The following RTN1 variants were observed in gnomAD, a reference collection of about 807,000 sequenced individuals.
RTN1 encodes the protein reticulon-1.
A neutral mutation model predicts 65.5 loss-of-function variants in RTN1; 25 were observed. The ratio of observed to expected loss-of-function variants is 0.38; its 90% CI spans 0.28 to 0.53. The LOEUF is 0.53. RTN1 is among the 20% of genes least tolerant of loss of function. RTN1 has a pLI of 0.79. For missense variants in RTN1, 983 were observed against 1,025.4 expected, an observed-to-expected ratio of 0.96 and a Z score of 0.57; for synonymous variants, 471 against 447.6, an observed-to-expected ratio of 1.05 and a Z score of -0.66.
chr14:59,739,633 G>T (rs1885076758), intron 2 of RTN1, among the ~76,000 whole-genome samples: 2 of 152,128 alleles, frequency 1.3e-5, no homozygotes, highest in Admixed American at 6.5e-5. Flanking sequence ...ACTGGAGGTA[G>T]GGTGTGAGTT....
At chr14:59,807,693 T>C (rs1283148893) in intron 1 of RTN1, among the ~76,000 whole-genome samples, 2 of 152,114 alleles carry the variant, frequency 1.3e-5, no homozygotes, top group African/African-American at 4.8e-5. Context: ...GGGATGGAGT[T>C]TACAAGGGAT....
At chr14:59,692,939 T>C (rs1883991313) in intron 3 of RTN1, among the ~76,000 whole-genome samples, 1 of 152,222 alleles carries the variant, frequency 6.6e-6, no homozygotes, top group Non-Finnish European at 1.5e-5. Context: ...ATTAGGTATT[T>C]GCTACCAGCT....
At chr14:59,844,109 G>A (rs1887363489) in intron 1 of RTN1, among the ~76,000 whole-genome samples, 1 of 152,130 alleles carries the variant, frequency 6.6e-6, no homozygotes. Flanking sequence ...CTGGGAAAAA[G>A]AACAAGAAAA....
intron 1 of RTN1, among the ~76,000 whole-genome samples, chr14:59,786,392 G>A (rs1057370491): frequency 3.3e-5 from 5 of 152,194 alleles, no homozygotes; most frequent in Non-Finnish European, 7.3e-5. Context: ...TTAGTATTAC[G>A]AGTAGTAGCA....
chr14:59,680,121 T>C (rs1883715044), intron 3 of RTN1, among the ~76,000 whole-genome samples: 1 of 152,186 alleles, frequency 6.6e-6, no homozygotes, highest in Non-Finnish European at 1.5e-5. Flanking sequence ...TGAGCAGTGC[T>C]CCTCCTAGAA....
At chr14:59,771,408 T>A (rs1322720336) in intron 1 of RTN1, among the ~76,000 whole-genome samples, 2 of 152,232 alleles carry the variant, frequency 1.3e-5, no homozygotes, top group African/African-American at 4.8e-5. Flanking sequence ...AGGTGTCAAC[T>A]TGGCTTCTTA....
intron 1 of RTN1, among the ~76,000 whole-genome samples, chr14:59,807,574 C>T (rs904778956): frequency 1.3e-5 from 2 of 152,192 alleles, no homozygotes; most frequent in African/African-American, 4.8e-5. Flanking sequence ...GCTTCTAGGA[C>T]ATGGCAGAGT....
chr14:59,859,289 C>T (rs917892440), intron 1 of RTN1, among the ~76,000 whole-genome samples: 1 of 152,158 alleles, frequency 6.6e-6, no homozygotes, highest in African/African-American at 2.4e-5. Context: ...ATCCTGTTCT[C>T]GTGATAGCGA....
At chr14:59,848,700 T>G (rs373097916) in intron 1 of RTN1, among the ~76,000 whole-genome samples, 1 of 152,190 alleles carries the variant, frequency 6.6e-6, no homozygotes, top group Non-Finnish European at 1.5e-5. Context: ...GTATTAAGAC[T>G]ATTTTATGTA....
chr14:59,797,955 T>TA (rs1255569445), intron 1 of RTN1, among the ~76,000 whole-genome samples: 1 of 152,196 alleles, frequency 6.6e-6, no homozygotes, highest in African/African-American at 2.4e-5. Flanking sequence ...TCCTTTATAA[T>TA]ATCACTTGAG....
chr14:59,869,586 G>GA (rs1887856903), intron 1 of RTN1, among the ~76,000 whole-genome samples: 1 of 132,016 alleles, frequency 7.6e-6, no homozygotes, highest in Non-Finnish European at 1.7e-5. Flanking sequence ...GGGTGGGGGG[G>GA]GGGGGGCGCT....
chr14:59,869,953 C>A (rs1190143422), intron 1 of RTN1, among the ~76,000 whole-genome samples: 2 of 152,180 alleles, frequency 1.3e-5, no homozygotes, highest in South Asian at 4.2e-4. Flanking sequence ...CGGGCCTGCC[C>A]GCCGCTCGGT....
chr14:59,606,105 T>C (rs1218225711), intron 4 of RTN1: 2 of 35,898 alleles, frequency 5.6e-5, no homozygotes, highest in Non-Finnish European at 9.8e-5. Context: ...AAAAACATGA[T>C]ATATATATAT....
At chr14:59,686,792 A>G (rs1260160684) in intron 3 of RTN1, among the ~76,000 whole-genome samples, 2 of 152,204 alleles carry the variant, frequency 1.3e-5, no homozygotes, top group African/African-American at 4.8e-5. Context: ...AAAGGCTTGG[A>G]AATGCTATGA....
chr14:59,805,414 C>G (rs540387493), intron 1 of RTN1, among the ~76,000 whole-genome samples: 43 of 152,158 alleles, frequency 2.8e-4, no homozygotes, highest in Non-Finnish European at 1.9e-4. Context: ...TTGTGACCAG[C>G]CTGGAGCACC....
Position 59,819,199 on chromosome 14 carries a change from C to T in RTN1, c.241+51191G>A, listed in dbSNP as rs754101381. On this transcript the variant is annotated intron_variant, in intron 1 of 8. Coordinates refer to ENST00000267484, the MANE Select transcript of RTN1 (RefSeq NM_021136.3). The stretch of plus-strand genomic sequence containing the variant: ...TATAGCTCACAAAAGTGGCGCGGAC[C>T]TGAAAGGTGAGCAGCAGCAAGATTT... 8.9e-4 allele frequency among the ~76,000 whole-genome samples: 135 copies of T among 152,182 alleles called. 1 individual carries two copies. The highest frequency in any genetic ancestry group is 1.2e-3 in the Non-Finnish European group (84 of 67,998).
intron 3 of RTN1, among the ~76,000 whole-genome samples, chr14:59,696,096 G>A (rs1267164272): frequency 1.3e-5 from 2 of 152,128 alleles, no homozygotes; most frequent in African/African-American, 2.4e-5. Context: ...TGAAGTCAGA[G>A]CAACTATTCG....
At chr14:59,626,019 A>T (rs1882390399) in intron 3 of RTN1, among the ~76,000 whole-genome samples, 1 of 152,196 alleles carries the variant, frequency 6.6e-6, no homozygotes, top group Non-Finnish European at 1.5e-5. Flanking sequence ...TAATATTTAC[A>T]TTGTAATATT....
intron 3 of RTN1, among the ~76,000 whole-genome samples, chr14:59,640,214 TTAATAGA>T (rs1455360524): frequency 6.6e-6 from 1 of 152,228 alleles, no homozygotes; most frequent in Non-Finnish European, 1.5e-5. Flanking sequence ...ATAGATTTCT[TTAATAGA>T]TGTTAGGATT....
Sources: gnomAD v4.1 joint callset for allele counts (sites outside exome capture counted in the v4.1 genomes callset) on GRCh38, gnomAD v4.1.1 for gene constraint, MANE v1.5 for transcripts, NCBI Gene and HGNC (gene_info 2026-07-23, HGNC 2026-07-21) for gene names.